MSRA: variants seen among roughly 807,000 people sequenced by gnomAD.
The protein encoded by MSRA is mitochondrial peptide methionine sulfoxide reductase.
Under a neutral mutation model 31.3 loss-of-function variants are expected in MSRA, and 54 were observed. The observed-to-expected ratio is 1.73, with a 90% CI of 1.39 to 2.17. The LOEUF (loss-of-function observed/expected upper bound fraction) is 2.17, where lower values mean the gene tolerates loss of function less well. MSRA is among the 30% of genes most tolerant of loss of function. The pLI, the probability that MSRA is intolerant of heterozygous loss-of-function variation, is 0.00. For missense variants in MSRA, 507 were observed against 300.9 expected (o/e 1.69, Z -5.07); for synonymous variants, 169 against 116.5 (o/e 1.45, Z -2.90).
chr8:10,241,363 A>G (rs546343003), intron 2 of MSRA, among the ~76,000 whole-genome samples: 19 of 152,326 alleles, frequency 1.2e-4, no homozygotes, highest in Non-Finnish European at 2.4e-4. Context: ...CTCACTGGCC[A>G]AAGATATGAC....
At chr8:10,164,523 G>GA (rs1313625926) in intron 1 of MSRA, among the ~76,000 whole-genome samples, 1 of 152,008 alleles carries the variant, frequency 6.6e-6, no homozygotes, top group African/African-American at 2.4e-5. Flanking sequence ...ATAGGCCGAA[G>GA]AAAAAATTAA....
At chr8:10,124,654 G>T (rs1354875111) in intron 1 of MSRA, among the ~76,000 whole-genome samples, 2 of 152,150 alleles carry the variant, frequency 1.3e-5, no homozygotes, top group Non-Finnish European at 2.9e-5. Flanking sequence ...TTTCATCATT[G>T]CAATTATAGT....
intron 3 of MSRA, among the ~76,000 whole-genome samples, chr8:10,246,104 A>G (rs1563264433): frequency 6.6e-6 from 1 of 152,220 alleles, no homozygotes; most frequent in Non-Finnish European, 1.5e-5. Flanking sequence ...CTATCTATAT[A>G]AGTAAATTTT....
At chr8:10,199,880 C>T (rs1025090892) in intron 1 of MSRA, among the ~76,000 whole-genome samples, 3 of 152,208 alleles carry the variant, frequency 2.0e-5, no homozygotes, top group Non-Finnish European at 4.4e-5. Flanking sequence ...ACAACACTAA[C>T]TCCTGGCACT....
intron 1 of MSRA, among the ~76,000 whole-genome samples, chr8:10,168,879 G>A (rs1414541610): frequency 6.6e-6 from 1 of 152,182 alleles, no homozygotes. Flanking sequence ...CAATACACCT[G>A]ATATATTGTT....
rs564532581 is a variant in MSRA at position 10,203,787 on chromosome 8, G to T, written c.143-4046G>T. On this transcript the variant is annotated intron_variant, in intron 1 of 5. Transcript: ENST00000317173. ...CAGGTACTTCAGGAGGTGTCCAGAAGGAGACATTGTTACCATAGGAGATGA... is the reference window on the plus strand; with the variant it reads ...CAGGTACTTCAGGAGGTGTCCAGAATGAGACATTGTTACCATAGGAGATGA... Among the ~76,000 whole-genome samples, 5 of 152,314 alleles carry T rather than the reference G, an allele frequency of 3.3e-5. No individual in the cohort carries two copies. The South Asian group carries it at 1.0e-3, about 32-fold the overall frequency.
intron 5 of MSRA, among the ~76,000 whole-genome samples, chr8:10,366,942 G>A (rs1805200819): frequency 6.6e-6 from 1 of 151,994 alleles, no homozygotes; most frequent in African/African-American, 2.4e-5. Context: ...GTTCCGGTTG[G>A]GCCTTATAAT....
chr8:10,366,283 G>C (rs747427516), intron 5 of MSRA, among the ~76,000 whole-genome samples: 1 of 152,268 alleles, frequency 6.6e-6, no homozygotes, highest in Non-Finnish European at 1.5e-5. Flanking sequence ...AGAGGAAGCA[G>C]AGGGCTCTGA....
intron 5 of MSRA, among the ~76,000 whole-genome samples, chr8:10,373,775 A>G (rs968277362): frequency 6.6e-5 from 10 of 152,200 alleles, no homozygotes; most frequent in Non-Finnish European, 1.2e-4. Context: ...CCAGATGATG[A>G]CCGCACTTTG....
At chr8:10,180,951 G>C (rs1400804801) in intron 1 of MSRA, among the ~76,000 whole-genome samples, 3 of 152,160 alleles carry the variant, frequency 2.0e-5, no homozygotes, top group Non-Finnish European at 4.4e-5. Context: ...TTTACCTCTT[G>C]TGTATGACTT....
intron 1 of MSRA, among the ~76,000 whole-genome samples, chr8:10,068,417 C>T (rs538408803): frequency 2.6e-5 from 4 of 152,268 alleles, no homozygotes; most frequent in African/African-American, 7.2e-5. Context: ...AGATTTTCTC[C>T]TGTGTTATCT....
chr8:10,368,046 C>T (rs957264960), intron 5 of MSRA, among the ~76,000 whole-genome samples: 1 of 152,130 alleles, frequency 6.6e-6, no homozygotes, highest in African/African-American at 2.4e-5. Context: ...GTAGAATTCC[C>T]TGCCCCGCGA....
At chr8:10,292,995 C>T (rs759902089) in intron 3 of MSRA, among the ~76,000 whole-genome samples, 4 of 152,168 alleles carry the variant, frequency 2.6e-5, no homozygotes, top group Non-Finnish European at 5.9e-5. Context: ...TGTGGAGAAG[C>T]AGCAAGGAGG....
chr8:10,079,261 T>A (rs1479513886), intron 1 of MSRA, among the ~76,000 whole-genome samples: 1 of 151,978 alleles, frequency 6.6e-6, no homozygotes, highest in Non-Finnish European at 1.5e-5. Context: ...TGGGCTTAGG[T>A]GATCCTCCCA....
At chr8:10,072,179 C>G (rs959970798) in intron 1 of MSRA, among the ~76,000 whole-genome samples, 22 of 152,140 alleles carry the variant, frequency 1.4e-4, no homozygotes, top group African/African-American at 5.3e-4. Flanking sequence ...CCACACAAGG[C>G]ATAAGCCTGC....
chr8:10,116,238 A>G (rs776069938), intron 1 of MSRA, among the ~76,000 whole-genome samples: 4 of 152,156 alleles, frequency 2.6e-5, no homozygotes, highest in African/African-American at 4.8e-5. Flanking sequence ...ATATTCATAA[A>G]CTTTTTTAAA....
At chr8:10,300,207 GATAGT>G (rs1222835376) in intron 3 of MSRA, among the ~76,000 whole-genome samples, 50 of 151,956 alleles carry the variant, frequency 3.3e-4, no homozygotes, top group Middle Eastern at 3.4e-3. Context: ...AAAATTTATT[GATAGT>G]GCTTATGTGG....
At chr8:10,076,512 C>T (rs910604789) in intron 1 of MSRA, among the ~76,000 whole-genome samples, 1 of 152,184 alleles carries the variant, frequency 6.6e-6, no homozygotes, top group East Asian at 1.9e-4. Flanking sequence ...AAAAGATTCT[C>T]TCAAAATGAC....
intron 1 of MSRA, among the ~76,000 whole-genome samples, chr8:10,073,998 A>T (rs1273027510): frequency 7.5e-6 from 1 of 133,254 alleles, no homozygotes; most frequent in African/African-American, 2.9e-5. Context: ...TGCTTTCTAT[A>T]CGTGACAGTT....
Sources: gnomAD v4.1 joint callset for allele counts (sites outside exome capture counted in the v4.1 genomes callset) on GRCh38, gnomAD v4.1.1 for gene constraint, MANE v1.5 for transcripts, NCBI Gene and HGNC (gene_info 2026-07-23, HGNC 2026-07-21) for gene names.